The following SMARCAL1 variants were observed in gnomAD, a reference collection of about 807,000 sequenced individuals.
SMARCAL1 encodes the protein ATP-driven annealing helicase.
A neutral mutation model predicts 94.5 loss-of-function variants in SMARCAL1; 58 were observed. The observed-to-expected ratio is 0.61, with a 90% CI of 0.50 to 0.76. The LOEUF is 0.76. Among genes scored for constraint, SMARCAL1 ranks in the 30% least tolerant of loss-of-function variants. The pLI, the probability that SMARCAL1 is intolerant of heterozygous loss-of-function variation, is 0.00. For synonymous variants in SMARCAL1, 422 were observed against 455.1 expected (o/e 0.93, Z 0.93); for missense variants, 1,051 against 1,177.9 (o/e 0.89, Z 1.58).
rs781453232 is a variant in SMARCAL1 at position 216,435,494 on chromosome 2, A to G, written c.1642A>G (p.Ile548Val). The change falls in exon 9 of 18, where the codon ATT becomes GTT. Residue 548 changes from isoleucine (I) to valine (V), a missense_variant and splice_region_variant. By Grantham distance (29) the Ile-to-Val change is conservative (BLOSUM62 3). Coordinates refer to ENST00000357276, the MANE Select transcript of SMARCAL1 (RefSeq NM_014140.4). ...QLKTPFKVVI[I>V]DESHFLKNSR... ...AAAAACCCCTTTTAAAGTTGTCATC[A>G]TTGTAAGAAACTTGGCAAAGTCTTT... 1.7e-5 allele frequency: 27 copies of G among 1,614,032 alleles called. No homozygotes were observed. Among genetic ancestry groups the G allele is most frequent in the South Asian group, 2.2e-5 (2 of 91,078 alleles).
intron 12 of SMARCAL1, among the ~76,000 whole-genome samples, chr2:216,461,057 TGTGTG>T (rs1280380104): frequency 3.2e-5 from 1 of 31,612 alleles, no homozygotes; most frequent in Admixed American, 3.6e-4. Context: ...TAGAAAGAGG[TGTGTG>T]TGTGTGTGTG....
intron 16 of SMARCAL1, among the ~76,000 whole-genome samples, chr2:216,477,521 ACAC>A (rs1311942111): frequency 1.3e-5 from 2 of 152,160 alleles, no homozygotes; most frequent in Non-Finnish European, 2.9e-5. Context: ...AGTTTGTAAA[ACAC>A]CCTGTTCCCA....
In SMARCAL1 at chr2:216,415,419, G is replaced by A. The variant is rs1409850348; in HGVS notation, c.715G>A (p.Gly239Arg). The A allele has an allele frequency of 2.5e-6, 4 of 1,614,238 alleles. No individual in the cohort carries two copies. The highest frequency in any genetic ancestry group is 3.4e-6 in the Non-Finnish European group (4 of 1,180,046). ...CCAAAAAGGAGTGAACTCTCAGAAG[G>A]GAAAGTGCGTAAGGAACGGCGATCG... ...SVQKGVNSQKGKCVRNGDRFQ... is the reference protein window; with the variant it reads ...SVQKGVNSQKRKCVRNGDRFQ... Residue 239 changes from glycine to arginine, a missense_variant, in exon 3 of 18, where the codon GGA (glycine) becomes AGA (arginine). Gly to Arg is a moderately radical substitution (Grantham distance 125). Transcript: ENST00000357276.
At chr2:216,418,725 A>G (rs1266369997) in intron 4 of SMARCAL1, among the ~76,000 whole-genome samples, 4 of 152,156 alleles carry the variant, frequency 2.6e-5, no homozygotes, top group East Asian at 3.8e-4. Context: ...CCTTTTTTCT[A>G]TGCGTTAAAA....
chr2:216,455,768 C>G (rs1164425160), intron 12 of SMARCAL1, among the ~76,000 whole-genome samples: 1 of 152,182 alleles, frequency 6.6e-6, no homozygotes, highest in East Asian at 1.9e-4. Flanking sequence ...AGCAGAAAAA[C>G]TGAAAATTCT....
intron 14 of SMARCAL1, among the ~76,000 whole-genome samples, chr2:216,474,698 G>A (rs533552270): frequency 2.8e-4 from 43 of 152,120 alleles, no homozygotes; most frequent in South Asian, 2.5e-3. Flanking sequence ...GGAGGTTGCC[G>A]TGAGCCAAGA....
intron 14 of SMARCAL1, among the ~76,000 whole-genome samples, chr2:216,468,455 A>T (rs1239477789): frequency 6.6e-6 from 1 of 152,218 alleles, no homozygotes; most frequent in Non-Finnish European, 1.5e-5. Flanking sequence ...TTAATTCCAC[A>T]TGGCAGTGTG....
Position 216,428,646 on chromosome 2 carries a change from A to T in SMARCAL1, c.1198A>T (p.Thr400Ser). Residue 400 changes from threonine (T) to serine (S), a missense_variant, in exon 7 of 18, where the codon ACT (threonine) becomes TCT (serine). By Grantham distance (58) the Thr-to-Ser change is moderately conservative (BLOSUM62 1). Transcript: ENST00000357276. The part of the protein sequence containing the change: ...PQVQLDPLPT[T>S]LTLAFASQLK... ...AGTTCAGCTGGACCCTCTGCCCACG[A>T]CTCTCACCCTGGCGTTTGCTTCTCA... 1 of 1,613,824 alleles carries T rather than the reference A, an allele frequency of 6.2e-7. No homozygotes were observed. The highest frequency in any genetic ancestry group is 8.5e-7 in the Non-Finnish European group (1 of 1,179,962).
In SMARCAL1 at chr2:216,428,516, T is replaced by C. The variant is rs1425057658; in HGVS notation, c.1148-80T>C. ...GGACCAGCATCACTGGAAGGAAATATATATATCCCAAAGCTCCTCTTTCTC... is the reference window on the plus strand; with the variant it reads ...GGACCAGCATCACTGGAAGGAAATACATATATCCCAAAGCTCCTCTTTCTC... On this transcript the variant is annotated intron_variant, in intron 6 of 17. Transcript: ENST00000357276. 2.9e-6 allele frequency: 4 copies of C among 1,377,998 alleles called. No homozygotes were observed. In the African/African-American group the frequency reaches 4.3e-5, roughly 15 times the overall value. The allele number at this position is 1,377,998 out of a possible 1,614,324, so 85.4% of individuals were successfully genotyped here. A position where few individuals can be genotyped will look rare whatever the true frequency, so the allele number is the denominator to read the frequency against.
intron 10 of SMARCAL1, among the ~76,000 whole-genome samples, chr2:216,440,155 T>C (rs1029370325): frequency 1.3e-5 from 2 of 152,228 alleles, no homozygotes; most frequent in Non-Finnish European, 2.9e-5. Context: ...CCTAGGTTGA[T>C]GACCCTTCTT....
Position 216,450,922 on chromosome 2 carries a change from TGC to T in SMARCAL1, c.1930_1931del (p.Arg644AlafsTer47), listed in dbSNP as rs1332449053. On this transcript the variant is annotated frameshift_variant, in exon 12 of 18. Coordinates refer to ENST00000357276, the MANE Select transcript of SMARCAL1 (RefSeq NM_014140.4). LOFTEE classifies it high-confidence loss of function. Reference sequence around the variant, plus strand: ...CTCCTGCTGGAGGAAGCAGTCATGCTGCGGCGCCTCAAGTCCGACGTCCTTTC... The same window carrying T: ...CTCCTGCTGGAGGAAGCAGTCATGCTGGCGCCTCAAGTCCGACGTCCTTTC... 1 of 1,614,104 alleles carries T rather than the reference TGC, an allele frequency of 6.2e-7. No individual in the cohort carries two copies. The highest frequency in any genetic ancestry group is 1.3e-5 in the African/African-American group (1 of 74,936).
intron 12 of SMARCAL1, among the ~76,000 whole-genome samples, chr2:216,460,782 A>G (rs988987975): frequency 1.2e-4 from 18 of 152,026 alleles, no homozygotes; most frequent in Non-Finnish European, 2.4e-4. Context: ...ACATGTATAC[A>G]TATGTAACAA....
chr2:216,449,854 T>TC (rs951984843), intron 11 of SMARCAL1, among the ~76,000 whole-genome samples: 9 of 152,160 alleles, frequency 5.9e-5, no homozygotes, highest in African/African-American at 1.2e-4. Context: ...CTTTTTTTTT[T>TC]TGAGACAGAG....
Position 216,478,259 on chromosome 2 carries a change from A to G in SMARCAL1, c.2585A>G (p.Asn862Ser), listed in dbSNP as rs184390693. ...VLAEAGLSET[N>S]FSEMTESTDY... is the part of the protein sequence containing the mutation. ...GCAGAAGCCGGGCTTTCTGAGACCAATTTTTCAGAAATGACAGAATCCACT... is the reference window on the plus strand; with the variant it reads ...GCAGAAGCCGGGCTTTCTGAGACCAGTTTTTCAGAAATGACAGAATCCACT... The change falls in exon 17 of 18, where the codon AAT becomes AGT. Residue 862 changes from asparagine to serine, a missense_variant. Asn to Ser is a conservative substitution (Grantham distance 46, BLOSUM62 1). This residue lies in a region of SMARCAL1 where 642 missense variants were observed against 754.7 expected (regional missense o/e 0.85). Coordinates refer to ENST00000357276, the MANE Select transcript of SMARCAL1 (RefSeq NM_014140.4). 5 of 1,614,124 alleles carry G rather than the reference A, an allele frequency of 3.1e-6. No individual in the cohort carries two copies. The highest frequency in any genetic ancestry group is 1.1e-5 in the South Asian group (1 of 91,080).
At chr2:216,413,474 C>A (rs78635568) in intron 1 of SMARCAL1, among the ~76,000 whole-genome samples, 2,783 of 152,144 alleles carry the variant, frequency 0.018, 106 homozygotes, top group African/African-American at 0.064. Context: ...ATAATAAATT[C>A]TTATATCTCC....
Position 216,475,205 on chromosome 2 carries a change from G to A in SMARCAL1, c.2245-64G>A. The A allele has an allele frequency of 6.4e-7, 1 of 1,550,662 alleles. No homozygotes were observed. Among genetic ancestry groups the A allele is most frequent in the Non-Finnish European group, 8.9e-7 (1 of 1,126,276 alleles). On this transcript the variant is annotated intron_variant, in intron 14 of 17. Transcript: ENST00000357276. This position sits in a 1 kb window ranked among gnomAD's most constrained non-coding sequence, Gnocchi z 4.4. ...GGTTCTGTGCTGGAGCTGTGGCTGG[G>A]TGTGGTTTGCTGAGAAGCCCCCGGG...
intron 3 of SMARCAL1, 75 bp downstream of exon 3, chr2:216,415,590 CATAAAT>C (rs1451656714): frequency 2.2e-5 from 29 of 1,346,602 alleles, no homozygotes; most frequent in Admixed American, 1.8e-4. Context: ...AACAGTTTCT[CATAAAT>C]ATTAAGAGAG....
intron 4 of SMARCAL1, among the ~76,000 whole-genome samples, chr2:216,419,355 T>A (rs1253630696): frequency 6.6e-6 from 1 of 152,226 alleles, no homozygotes; most frequent in Non-Finnish European, 1.5e-5. Flanking sequence ...CCCTCTTCTT[T>A]TGTGGTCTTA....
At chr2:216,425,562 A>G (rs1693815180) in intron 6 of SMARCAL1, among the ~76,000 whole-genome samples, 1 of 152,228 alleles carries the variant, frequency 6.6e-6, no homozygotes, top group African/African-American at 2.4e-5. Flanking sequence ...CGAGCAGACC[A>G]AGAATGTGTT....
Sources: allele counts gnomAD v4.1 joint callset (sites outside exome capture counted in the v4.1 genomes callset), GRCh38; gene constraint gnomAD v4.1.1; regional missense constraint gnomAD v4.1.1; non-coding constraint Gnocchi (gnomAD v3.1); transcripts MANE v1.5; gene names NCBI Gene and HGNC (gene_info 2026-07-23, HGNC 2026-07-21).